Variants in HS6ST3 observed in about 807,000 individuals in gnomAD.
The protein encoded by HS6ST3 is heparan-sulfate 6-O-sulfotransferase 3.
Under a neutral mutation model 36.7 loss-of-function variants are expected in HS6ST3, and 12 were observed. That is an observed-to-expected ratio of 0.33 (90% CI 0.21 to 0.53). The LOEUF is 0.53. Ranked by LOEUF, HS6ST3 falls within the 20% of genes least tolerant of loss-of-function variation. The pLI is 0.95. For synonymous variants in HS6ST3, 240 were observed against 257.5 expected, an observed-to-expected ratio of 0.93 and a Z score of 0.65; for missense variants, 584 against 640.9, an observed-to-expected ratio of 0.91 and a Z score of 0.96.
rs77931623 is a variant in HS6ST3 at position 96,216,462 on chromosome 13, C to T, written c.707+124893C>T. Reference sequence around the variant, plus strand: ...ATTAGGAGAAATATTCTTTTGCTTACGTCCTTGTTAAAAATTCAGATTATT... The same window carrying T: ...ATTAGGAGAAATATTCTTTTGCTTATGTCCTTGTTAAAAATTCAGATTATT... On this transcript the variant is annotated intron_variant, in intron 1 of 1. Transcript: ENST00000376705. 5.9e-5 allele frequency among the ~76,000 whole-genome samples: 9 copies of T among 152,264 alleles called. 1 individual carries two copies. Among genetic ancestry groups the T allele is most frequent in the Admixed American group, 2.0e-4 (3 of 15,296 alleles).
At chr13:96,209,504 T>G (rs188081468) in intron 1 of HS6ST3, among the ~76,000 whole-genome samples, 2 of 152,330 alleles carry the variant, frequency 1.3e-5, no homozygotes, top group East Asian at 3.9e-4. Flanking sequence ...GTCATGAGAA[T>G]AGGTGGATGT....
In HS6ST3 at chr13:96,492,118, G is replaced by A. The variant is rs978472288; in HGVS notation, c.708-340372G>A. On this transcript the variant is annotated intron_variant, in intron 1 of 1. Transcript: ENST00000376705. ...TGTGGATTGATTGTAGGTAGGTAAC[G>A]TTGCTTTTGTTGTGCCAGGTACTAT... Among the ~76,000 whole-genome samples, 45 of 152,232 alleles carry A rather than the reference G, an allele frequency of 3.0e-4. 1 individual carries two copies. Among genetic ancestry groups the A allele is most frequent in the Non-Finnish European group, 1.5e-4 (10 of 68,008 alleles).
At chr13:96,721,757 G>A (rs933666200) in intron 1 of HS6ST3, among the ~76,000 whole-genome samples, 37 of 152,230 alleles carry the variant, frequency 2.4e-4, no homozygotes, top group African/African-American at 8.7e-4. Flanking sequence ...TATATTACAT[G>A]ACACCCAGGG....
At chr13:96,228,418 A>G (rs1340923145) in intron 1 of HS6ST3, among the ~76,000 whole-genome samples, 2 of 152,090 alleles carry the variant, frequency 1.3e-5, no homozygotes, top group Non-Finnish European at 2.9e-5. Context: ...GCCAGCTGCC[A>G]CCACACCCAG....
chr13:96,651,887 G>A (rs2139013095), intron 1 of HS6ST3, among the ~76,000 whole-genome samples: 1 of 152,158 alleles, frequency 6.6e-6, no homozygotes, highest in South Asian at 2.1e-4. Flanking sequence ...TATGTGTAAT[G>A]AATGGAAGTA....
chr13:96,382,939 A>G (rs1337940841), intron 1 of HS6ST3, among the ~76,000 whole-genome samples: 1 of 152,230 alleles, frequency 6.6e-6, no homozygotes, highest in Non-Finnish European at 1.5e-5. Flanking sequence ...ATACATGCAC[A>G]TATGTAAAAT....
At chr13:96,597,333 T>A (rs2056405310) in intron 1 of HS6ST3, among the ~76,000 whole-genome samples, 1 of 151,250 alleles carries the variant, frequency 6.6e-6, no homozygotes, top group Non-Finnish European at 1.5e-5. Flanking sequence ...ACCCCTGAAC[T>A]TAAAATAAAA....
intron 1 of HS6ST3, among the ~76,000 whole-genome samples, chr13:96,356,116 A>C (rs1442210508): frequency 1.3e-5 from 2 of 152,142 alleles, no homozygotes; most frequent in Non-Finnish European, 2.9e-5. Flanking sequence ...GATATGAACT[A>C]ATTCTCATAT....
At chr13:96,155,699 A>C (rs1364319429) in intron 1 of HS6ST3, among the ~76,000 whole-genome samples, 2 of 152,188 alleles carry the variant, frequency 1.3e-5, no homozygotes, top group Non-Finnish European at 2.9e-5. Flanking sequence ...ATGGCCAACA[A>C]CTTAAGCAAG....
At chr13:96,775,095 G>A (rs1261039470) in intron 1 of HS6ST3, among the ~76,000 whole-genome samples, 2 of 152,098 alleles carry the variant, frequency 1.3e-5, no homozygotes, top group South Asian at 2.1e-4. Context: ...CTTCATAAGC[G>A]AAGGAGAAAT....
chr13:96,694,288 G>A (rs1225700610), intron 1 of HS6ST3, among the ~76,000 whole-genome samples: 1 of 152,066 alleles, frequency 6.6e-6, no homozygotes, highest in Non-Finnish European at 1.5e-5. Flanking sequence ...TCCTGCATTA[G>A]TTTGCTAAGG....
At chr13:96,166,575 C>CTTTTTTTTTT (rs765190619) in intron 1 of HS6ST3, among the ~76,000 whole-genome samples, 10 of 131,590 alleles carry the variant, frequency 7.6e-5, no homozygotes, top group Non-Finnish European at 1.1e-4. Flanking sequence ...TTCTTTCTTT[C>CTTTTTTTTTT]TTTTTTTTTT....
At chr13:96,513,131 A>C (rs1359579399) in intron 1 of HS6ST3, among the ~76,000 whole-genome samples, 1 of 152,094 alleles carries the variant, frequency 6.6e-6, no homozygotes, top group Non-Finnish European at 1.5e-5. Flanking sequence ...TAAATCTGAG[A>C]TCAAACTGTA....
chr13:96,671,971 T>C (rs1837257073), intron 1 of HS6ST3, among the ~76,000 whole-genome samples: 1 of 152,188 alleles, frequency 6.6e-6, no homozygotes, highest in African/African-American at 2.4e-5. Flanking sequence ...TTGCATGACA[T>C]GATGAAATCA....
intron 1 of HS6ST3, among the ~76,000 whole-genome samples, chr13:96,731,666 T>G (rs894181779): frequency 6.6e-6 from 1 of 151,998 alleles, no homozygotes; most frequent in African/African-American, 2.4e-5. Context: ...GTTTTGTTTT[T>G]TTTTTGTTTT....
At chr13:96,100,489 A>G (rs557405061) in intron 1 of HS6ST3, among the ~76,000 whole-genome samples, 1 of 152,194 alleles carries the variant, frequency 6.6e-6, no homozygotes, top group Non-Finnish European at 1.5e-5. Context: ...TTGGATGTGA[A>G]GAGGCAAAAG....
chr13:96,291,283 TA>T (rs2054828576), intron 1 of HS6ST3, among the ~76,000 whole-genome samples: 1 of 152,136 alleles, frequency 6.6e-6, no homozygotes, highest in African/African-American at 2.4e-5. Context: ...GTTAAATGAG[TA>T]AATGACCAAT....
At chr13:96,152,424 G>T (rs370651397) in intron 1 of HS6ST3, among the ~76,000 whole-genome samples, 2 of 144,162 alleles carry the variant, frequency 1.4e-5, no homozygotes, top group Non-Finnish European at 3.0e-5. Flanking sequence ...TGCAAGCTCC[G>T]CCTCCCGGGT....
Position 96,513,098 on chromosome 13 carries a change from A to G in HS6ST3, c.708-319392A>G, listed in dbSNP as rs74106498. Among the ~76,000 whole-genome samples, 1,241 of 152,226 alleles carry G rather than the reference A, an allele frequency of 8.2e-3. 16 individuals carry two copies. Among genetic ancestry groups the G allele is most frequent in the African/African-American group, 0.028 (1,160 of 41,550 alleles). ...ATTCTATGGACTTCTGCACTGTCAC[A>G]TAGCTGTGTGTGTTGCTTTGGATAA... is the stretch of plus-strand genomic sequence containing the variant. On this transcript the variant is annotated intron_variant, in intron 1 of 1. Coordinates refer to ENST00000376705, the MANE Select transcript of HS6ST3 (RefSeq NM_153456.4).
Sources: allele counts gnomAD v4.1 joint callset (sites outside exome capture counted in the v4.1 genomes callset), GRCh38; gene constraint gnomAD v4.1.1; transcripts MANE v1.5; gene names NCBI Gene and HGNC (gene_info 2026-07-23, HGNC 2026-07-21).